VAV1: variants seen among roughly 807,000 people sequenced by gnomAD.
VAV1 encodes the protein proto-oncogene vav.
In VAV1, 33 loss-of-function variants were observed where a neutral mutation model predicts 128.1. The ratio of observed to expected loss-of-function variants is 0.26; its 90% CI spans 0.20 to 0.34. The LOEUF (loss-of-function observed/expected upper bound fraction) is 0.34, where lower values mean the gene tolerates loss of function less well. Ranked by LOEUF, VAV1 falls within the 10% of genes least tolerant of loss-of-function variation. VAV1 has a pLI of 1.00. For synonymous variants in VAV1, 394 were observed against 409.8 expected (o/e 0.96, Z 0.47); for missense variants, 715 against 1,093.7 (o/e 0.65, Z 4.88).
At chr19:6,815,158 T>C (rs192510056) in intron 1 of VAV1, among the ~76,000 whole-genome samples, 1 of 152,232 alleles carries the variant, frequency 6.6e-6, no homozygotes, top group East Asian at 1.9e-4. Flanking sequence ...TATTTATTTA[T>C]TTATTTTGAG....
Position 6,831,883 on chromosome 19 carries a change from T to C in VAV1, c.1399-208T>C, listed in dbSNP as rs143984583. ...GTGTGTGTGTGTGTGTGTGTGTGCA[T>C]GTGCACGCCTGCGTATGTGGTTTTG... is the stretch of plus-strand genomic sequence containing the variant. On this transcript the variant is annotated intron_variant, in intron 14 of 26. Transcript: ENST00000602142. Among the ~76,000 whole-genome samples the C allele has an allele frequency of 5.9e-3, 893 of 151,886 alleles. 12 individuals are homozygous for C. The highest frequency in any genetic ancestry group is 0.021 in the African/African-American group (854 of 41,374).
chr19:6,790,343 G>C (rs1350589445), intron 1 of VAV1, among the ~76,000 whole-genome samples: 1 of 152,188 alleles, frequency 6.6e-6, no homozygotes, highest in East Asian at 1.9e-4. Context: ...CCTCTTGAGG[G>C]AGGGGGTGGT....
intron 1 of VAV1, among the ~76,000 whole-genome samples, chr19:6,813,018 T>G (rs1029026902): frequency 1.2e-4 from 18 of 152,242 alleles, no homozygotes; most frequent in Admixed American, 7.9e-4. Flanking sequence ...TTGGTTCATT[T>G]GCCTTTATCC....
intron 1 of VAV1, chr19:6,784,035 C>G (rs1970830600): frequency 2.5e-6 from 1 of 402,916 alleles, no homozygotes; most frequent in African/African-American, 2.0e-5. Context: ...AGGAGGATTG[C>G]TTGAGGCTAG....
At chr19:6,833,655 G>A (rs1972147353) in intron 17 of VAV1, 30 bp downstream of exon 17, 2 of 1,614,004 alleles carry the variant, frequency 1.2e-6, no homozygotes, top group African/African-American at 2.7e-5. Flanking sequence ...TGGGAGGTGA[G>A]CTTGGTTCTC....
At position 6,815,628 on chromosome 19, in the gene VAV1, A is replaced by G. The variant is rs79557804; in HGVS notation, c.205-5074A>G. Among the ~76,000 whole-genome samples the G allele has an allele frequency of 1.8e-4, 27 of 152,356 alleles. No individual in the cohort carries two copies. The East Asian group carries it at 5.2e-3, about 29-fold the overall frequency. ...GAGAAACAGGGTTACAACAGACATT[A>G]AGTGCCAAATGAATTCACACACACA... On this transcript the variant is annotated intron_variant, in intron 1 of 26. Transcript: ENST00000602142.
At chr19:6,784,479 A>T (rs930069869) in intron 1 of VAV1, among the ~76,000 whole-genome samples, 1 of 146,654 alleles carries the variant, frequency 6.8e-6, no homozygotes, top group Non-Finnish European at 1.5e-5. Context: ...ATCCCTTTCC[A>T]TTCCATTCTG....
rs571091777 is a variant in VAV1, at chr19:6,833,947, G to A, written c.1771G>A (p.Glu591Lys). Residue 591 changes from glutamate to lysine, a missense_variant, in exon 19 of 27, where the codon GAG becomes AAG. By Grantham distance (56) the Glu-to-Lys change is moderately conservative. Coordinates refer to ENST00000602142, the MANE Select transcript of VAV1 (RefSeq NM_005428.4). Reference protein sequence around the residue: ...HRRAQDKKRNELGLPKMEVFQ... With the variant: ...HRRAQDKKRNKLGLPKMEVFQ... ...CAGGGCTCAGGACAAAAAGAGGAAT[G>A]AGCTGGGTGAGTTGGCAGGGGTTGC... 55 of 1,614,074 alleles carry A rather than the reference G, an allele frequency of 3.4e-5. 1 individual carries two copies. The South Asian group carries it at 6.0e-4, about 18-fold the overall frequency.
At chr19:6,849,391 C>G (rs528150572) in intron 23 of VAV1, among the ~76,000 whole-genome samples, 1 of 141,110 alleles carries the variant, frequency 7.1e-6, no homozygotes, top group Non-Finnish European at 1.5e-5. Flanking sequence ...CAGGTTCAAG[C>G]GAGTCTTCTG....
chr19:6,837,552 A>C (rs116241621), intron 21 of VAV1, among the ~76,000 whole-genome samples: 122 of 152,128 alleles, frequency 8.0e-4, no homozygotes, highest in African/African-American at 2.7e-3. Context: ...CCTCATTCAC[A>C]GCAAATGACC....
In VAV1 at chr19:6,837,085, G is replaced by A. The variant is rs770129307; in HGVS notation, c.1980+35G>A. On this transcript the variant is annotated intron_variant, in intron 21 of 26. Coordinates refer to ENST00000602142, the MANE Select transcript of VAV1 (RefSeq NM_005428.4). ...TCAAGTCTGAATGGAATAAGGGCAA[G>A]GGGTCCAGGGCGGGTCCTGGGAGGA... The A allele has an allele frequency of 1.9e-6, 3 of 1,609,736 alleles. No homozygotes were observed. The African/African-American group carries it at 4.0e-5, about 22-fold the overall frequency.
At chr19:6,852,774 C>T (rs910206575) in intron 24 of VAV1, among the ~76,000 whole-genome samples, 191 bp from the exon 25 acceptor site, 1 of 151,864 alleles carries the variant, frequency 6.6e-6, no homozygotes, top group African/African-American at 2.4e-5. Flanking sequence ...TGGTCCCTTC[C>T]CCATAAATAG....
chr19:6,839,048 G>A (rs925407701), intron 21 of VAV1, among the ~76,000 whole-genome samples: 4 of 151,866 alleles, frequency 2.6e-5, no homozygotes, highest in African/African-American at 7.3e-5. Context: ...GATTACAGGC[G>A]CCTGCCACCA....
intron 13 of VAV1, among the ~76,000 whole-genome samples, 160 bp from the exon 14 acceptor site, chr19:6,829,626 G>C (rs893903149): frequency 2.0e-5 from 3 of 152,070 alleles, no homozygotes; most frequent in Non-Finnish European, 4.4e-5. Flanking sequence ...GGGCCAATGC[G>C]GATCACGTGG....
At chr19:6,808,060 C>G (rs577974514) in intron 1 of VAV1, among the ~76,000 whole-genome samples, 1 of 150,800 alleles carries the variant, frequency 6.6e-6, no homozygotes, top group African/African-American at 2.4e-5. Flanking sequence ...AGCCTATAAT[C>G]CCAGCACTTT....
At chr19:6,814,716 C>CTTTCTTTCTTTT (rs1225669970) in intron 1 of VAV1, among the ~76,000 whole-genome samples, 237 of 132,002 alleles carry the variant, frequency 1.8e-3, no homozygotes, top group Non-Finnish European at 3.0e-3. Context: ...TTCTTTCTTT[C>CTTTCTTTCTTTT]TTTCTTTCTT....
intron 1 of VAV1, among the ~76,000 whole-genome samples, chr19:6,818,753 G>A (rs1414073548): frequency 1.3e-5 from 2 of 152,152 alleles, no homozygotes; most frequent in South Asian, 4.1e-4. Context: ...ACGTCACAGT[G>A]CAGGGAGAAG....
rs767262513 is a variant in VAV1, at chr19:6,820,653, C to T, written c.205-49C>T. 18 of 1,551,926 alleles carry T rather than the reference C, an allele frequency of 1.2e-5. No individual in the cohort carries two copies. The highest frequency in any genetic ancestry group is 1.5e-5 in the Non-Finnish European group (17 of 1,124,172). On this transcript the variant is annotated intron_variant, in intron 1 of 26. Transcript: ENST00000602142. The surrounding 1 kb of genome is among the most constrained non-coding windows in gnomAD (Gnocchi z 4.4). The stretch of plus-strand genomic sequence containing the variant: ...CTAGGTGGCCTGGGGGTCAGTTTCT[C>T]CCCTGCCCTTTCGTACTGCCCCACC...
rs71177123 is a variant in VAV1 at position 6,844,063 on chromosome 19, C to CTTTT, written c.2012+935_2012+938dup. Among the ~76,000 whole-genome samples, 70 of 21,320 alleles carry CTTTT rather than the reference C, an allele frequency of 3.3e-3. 23 individuals are homozygous for CTTTT. The highest frequency in any genetic ancestry group is 4.5e-3 in the East Asian group (2 of 446). 14.0% of individuals were successfully genotyped at this position (21,320 alleles called of 152,430 possible). A position where few individuals can be genotyped will look rare whatever the true frequency, so the allele number is the denominator to read the frequency against. On this transcript the variant is annotated intron_variant, in intron 22 of 26. Transcript: ENST00000602142. ...ACTTTCTTCTTTTCTTCTTCTTCTT[C>CTTTT]TTTTTTTTTTTTTTTTTTTTTTTTT...
Sources: allele counts gnomAD v4.1 joint callset (sites outside exome capture counted in the v4.1 genomes callset), GRCh38; gene constraint gnomAD v4.1.1; non-coding constraint Gnocchi (gnomAD v3.1); transcripts MANE v1.5; gene names NCBI Gene and HGNC (gene_info 2026-07-23, HGNC 2026-07-21).